The following CRACD variants were observed in gnomAD, a reference collection of about 807,000 sequenced individuals.
CRACD encodes capping protein inhibiting regulator of actin dynamics, also known as capping protein-inhibiting regulator of actin dynamics.
CRACD carries 56 observed loss-of-function variants against 106.8 expected under a neutral mutation model. That is an observed-to-expected ratio of 0.52 (90% confidence interval 0.42 to 0.66). CRACD has a LOEUF of 0.66. Ranked by LOEUF, CRACD falls within the 30% of genes least tolerant of loss-of-function variation. The pLI, the probability that CRACD is intolerant of heterozygous loss-of-function variation, is 0.00. For missense variants in CRACD, 1,730 were observed against 1,623.2 expected (o/e 1.07, Z -1.13); for synonymous variants, 754 against 670.8 (o/e 1.12, Z -1.92).
intron 2 of CRACD, among the ~76,000 whole-genome samples, chr4:56,264,658 A>G (rs1390168165): frequency 6.6e-6 from 1 of 152,214 alleles, no homozygotes; most frequent in East Asian, 1.9e-4. Context: ...CTGAGCTTAC[A>G]AAGATGACAG....
At chr4:56,325,608 G>A (rs1746392449) in intron 10 of CRACD, among the ~76,000 whole-genome samples, 1 of 152,176 alleles carries the variant, frequency 6.6e-6, no homozygotes, top group African/African-American at 2.4e-5. Context: ...TGTAAGAGAT[G>A]TACACATTTA....
chr4:56,115,110 A>G (rs1734236905), intron 1 of CRACD, among the ~76,000 whole-genome samples: 2 of 152,196 alleles, frequency 1.3e-5, no homozygotes, highest in African/African-American at 4.8e-5. Context: ...GTGACATTTG[A>G]ACTGAGACTC....
At chr4:56,049,831 G>C (rs1362574545) in intron 1 of CRACD, 1 of 152,282 alleles carries the variant, frequency 6.6e-6, no homozygotes, top group Non-Finnish European at 1.5e-5. Flanking sequence ...GCTGAGGCAA[G>C]ACAAAGGTTT....
chr4:56,320,330 G>A (rs1746001093), intron 8 of CRACD, among the ~76,000 whole-genome samples: 1 of 152,216 alleles, frequency 6.6e-6, no homozygotes, highest in South Asian at 2.1e-4. Context: ...AACTCAGGTG[G>A]ACTATGATAC....
chr4:56,314,630 G>A lies in CRACD; in HGVS notation c.1128G>A (p.Glu376=). The change falls in exon 8 of 11, where the codon GAG becomes GAA. Residue 376 remains glutamate, a synonymous_variant. Transcript: ENST00000682029. The surrounding 1 kb of genome is among the most constrained non-coding windows in gnomAD (Gnocchi z 4.4). ...GATGGGAAGAGCTGGAACAGCAGGA[G>A]GCGGAGGTGCAGGGGCCGCCCGAGG... ...AEGWEELEQQ[E]AEVQGPPEAL... is the part of the protein sequence containing the mutation. The A allele has an allele frequency of 6.5e-7, 1 of 1,540,834 alleles. No homozygotes were observed. Among genetic ancestry groups the A allele is most frequent in the Non-Finnish European group, 8.8e-7 (1 of 1,141,846 alleles).
In CRACD at chr4:56,313,253, C is replaced by T. The variant is rs774253190; in HGVS notation, c.411C>T (p.Ile137=). 3.4e-5 allele frequency: 55 copies of T among 1,614,064 alleles called. No individual in the cohort carries two copies. The highest frequency in any genetic ancestry group is 8.0e-5 in the African/African-American group (6 of 74,928). ...PKRHFSSAGT[I]ESVNLDAIPL... The stretch of plus-strand genomic sequence containing the variant: ...GGCACTTCTCTTCTGCTGGCACCAT[C>T]GAAAGTGTCAACTTAGATGCCATCC... Residue 137 remains isoleucine (I), a synonymous_variant, in exon 7 of 11, where the codon ATC becomes ATT. Transcript: ENST00000682029.
At chr4:56,266,033 A>T (rs1227667531) in intron 2 of CRACD, among the ~76,000 whole-genome samples, 7 of 152,060 alleles carry the variant, frequency 4.6e-5, no homozygotes, top group African/African-American at 1.7e-4. Context: ...ATGTAATCAT[A>T]CCCTTGAAAT....
At chr4:56,159,432 C>T (rs1008636303) in intron 1 of CRACD, among the ~76,000 whole-genome samples, 3 of 152,082 alleles carry the variant, frequency 2.0e-5, no homozygotes, top group South Asian at 2.1e-4. Flanking sequence ...GGGTGGATCA[C>T]GAGGTCAGGA....
chr4:56,277,605 C>G lies in CRACD; in HGVS notation c.-17+5113C>G, dbSNP rs572585126. On this transcript the variant is annotated intron_variant, in intron 3 of 10. Transcript: ENST00000682029. ...CAGGAACAAAACAAGGGTTTCTTAT[C>G]TCATTCCTTCTATTCAACACTGTAT... Among the ~76,000 whole-genome samples, 3 of 152,284 alleles carry G rather than the reference C, an allele frequency of 2.0e-5. No homozygotes were observed. The East Asian group carries it at 5.8e-4, about 29-fold the overall frequency.
chr4:56,142,900 G>A (rs13143494), intron 1 of CRACD, among the ~76,000 whole-genome samples: 31,168 of 151,754 alleles, frequency 0.21, 3,939 homozygotes, highest in Non-Finnish European at 0.28. Context: ...GATTATTTTG[G>A]ATATTACTGT....
At chr4:56,307,814 G>A in intron 5 of CRACD, 115 bp downstream of exon 5, 1 of 1,033,216 alleles carries the variant, frequency 9.7e-7, no homozygotes, top group South Asian at 1.6e-5. Context: ...TTTCTCATGA[G>A]TAGCTCAGGG....
At chr4:56,159,204 C>T (rs745837531) in intron 1 of CRACD, among the ~76,000 whole-genome samples, 3 of 152,218 alleles carry the variant, frequency 2.0e-5, no homozygotes, top group Non-Finnish European at 2.9e-5. Context: ...TGCTATATCT[C>T]TAGTACATTT....
rs199923342 is a variant in CRACD at position 56,135,283 on chromosome 4, CA to C, written c.-335-43994del. Among the ~76,000 whole-genome samples the C allele has an allele frequency of 9.8e-3, 1,483 of 152,014 alleles. 22 individuals are homozygous for C. The highest frequency in any genetic ancestry group is 0.034 in the African/African-American group (1,397 of 41,480). ...TGGGTGACAGAGTGAGACACTGTCT[CA>C]AAAAAATAAACCAAAAAACAAGCTG... On this transcript the variant is annotated intron_variant, in intron 1 of 10. Coordinates refer to ENST00000682029, the MANE Select transcript of CRACD (RefSeq NM_001393381.1).
intron 2 of CRACD, among the ~76,000 whole-genome samples, chr4:56,226,776 T>G (rs184230716): frequency 2.0e-5 from 3 of 152,110 alleles, no homozygotes; most frequent in Non-Finnish European, 4.4e-5. Flanking sequence ...AGGAGCTGGT[T>G]GTTAAAAAGA....
At chr4:56,057,913 G>T (rs1732142633) in intron 1 of CRACD, among the ~76,000 whole-genome samples, 1 of 93,610 alleles carries the variant, frequency 1.1e-5, no homozygotes, top group Admixed American at 9.8e-5. Context: ...CCGCCTCCCG[G>T]GTTCACGCCA....
At chr4:56,200,813 A>G (rs1288313373) in intron 2 of CRACD, among the ~76,000 whole-genome samples, 1 of 152,204 alleles carries the variant, frequency 6.6e-6, no homozygotes. Context: ...TTCACTTTCA[A>G]AAGTAAAACA....
intron 1 of CRACD, among the ~76,000 whole-genome samples, chr4:56,099,418 C>T (rs754835828): frequency 3.9e-5 from 6 of 152,110 alleles, no homozygotes; most frequent in Non-Finnish European, 8.8e-5. Context: ...TATGACTTGG[C>T]CAAAACCACA....
intron 1 of CRACD, among the ~76,000 whole-genome samples, chr4:56,126,062 C>T (rs912135630): frequency 1.3e-5 from 2 of 152,112 alleles, no homozygotes; most frequent in African/African-American, 2.4e-5. Context: ...CTACTGCACC[C>T]AGCCTCTTTA....
intron 4 of CRACD, among the ~76,000 whole-genome samples, chr4:56,299,911 C>T (rs1744268915): frequency 1.3e-5 from 2 of 151,326 alleles, no homozygotes; most frequent in Non-Finnish European, 2.9e-5. Context: ...AAGCACTGTA[C>T]TCAGTAGAGA....
Sources: gnomAD v4.1 joint callset for allele counts (sites outside exome capture counted in the v4.1 genomes callset) on GRCh38, gnomAD v4.1.1 for gene constraint, Gnocchi (gnomAD v3.1) non-coding constraint, MANE v1.5 for transcripts, NCBI Gene and HGNC (gene_info 2026-07-23, HGNC 2026-07-21) for gene names.